Variants in ITM2C observed in about 807,000 individuals in gnomAD.
ITM2C encodes the protein BRICHOS domain containing 2C.
A neutral mutation model predicts 30.0 loss-of-function variants in ITM2C; 20 were observed. The ratio of observed to expected loss-of-function variants is 0.67; its 90% CI spans 0.47 to 0.97. ITM2C has a LOEUF of 0.97. ITM2C is among the 50% of genes least tolerant of loss of function. The probability of loss-of-function intolerance (pLI) is 0.00; values close to 1 mark genes in which losing one functional copy is unlikely to be tolerated. For missense variants in ITM2C, 366 were observed against 371.9 expected (o/e 0.98, Z 0.13); for synonymous variants, 167 against 156.4 (o/e 1.07, Z -0.51).
In ITM2C at chr2:230,865,441, A is replaced by C; in HGVS notation, c.120+296A>C. On this transcript the variant is annotated intron_variant, in intron 1 of 5. Transcript: ENST00000326427. The surrounding 1 kb of genome is among the most constrained non-coding windows in gnomAD (Gnocchi z 6.8). ...AGTGGGGGCCCCCTCGCCGCCTTAT[A>C]GGGGGAGGGGGCTGGTCCGAAGAAG... 7.0e-6 allele frequency: 2 copies of C among 284,346 alleles called. No homozygotes were observed. Among genetic ancestry groups the C allele is most frequent in the Non-Finnish European group, 6.5e-6 (1 of 153,602 alleles). The allele number at this position is 284,346 out of a possible 1,614,324, so 17.6% of individuals were successfully genotyped here.
rs560957044 is a variant in ITM2C, at chr2:230,877,174, C to T, written c.561+207C>T. ...ATCTCCAGAGTCAATGCCCCGAGAC[C>T]GGCTTCCTTAGTGTTCAAGGTTGTA... On this transcript the variant is annotated intron_variant, in intron 4 of 5. Transcript: ENST00000326427. The surrounding 1 kb of genome is among the most constrained non-coding windows in gnomAD (Gnocchi z 4.8). 5.9e-5 allele frequency among the ~76,000 whole-genome samples: 9 copies of T among 152,318 alleles called. No homozygotes were observed. The South Asian group carries it at 6.2e-4, about 11-fold the overall frequency.
At chr2:230,875,523 TG>T in intron 2 of ITM2C, 96 bp from the exon 3 acceptor site, 2 of 1,063,198 alleles carry the variant, frequency 1.9e-6, no homozygotes, top group African/African-American at 1.6e-5. Context: ...CGCAGGCTTT[TG>T]GGGCATGTAG....
At chr2:230,871,828 A>G (rs533084316) in intron 1 of ITM2C, among the ~76,000 whole-genome samples, 93 of 152,236 alleles carry the variant, frequency 6.1e-4, no homozygotes, top group African/African-American at 2.0e-3. Flanking sequence ...TCCTTTTCCT[A>G]AGCAGGGCGG....
At position 230,874,091 on chromosome 2, in the gene ITM2C, TGGGA is replaced by T. The variant is rs577007193; in HGVS notation, c.261+544_261+547del. 1.0e-3 allele frequency among the ~76,000 whole-genome samples: 154 copies of T among 152,262 alleles called. No individual in the cohort carries two copies. In the Middle Eastern group the frequency reaches 0.01, roughly 10 times the overall value. ...GCACAAAGCTGGGCCAACCCAGACC[TGGGA>T]GGGAGGGAGTGTCGCTGTGTGCTTG... is the stretch of plus-strand genomic sequence containing the variant. On this transcript the variant is annotated intron_variant, in intron 2 of 5. Coordinates refer to ENST00000326427, the MANE Select transcript of ITM2C (RefSeq NM_030926.6).
rs779813607 is a variant in ITM2C, at chr2:230,877,573, A to G, written c.712+23A>G. 1.1e-5 allele frequency: 17 copies of G among 1,612,094 alleles called. No homozygotes were observed. In the South Asian group the frequency reaches 1.6e-4, roughly 16 times the overall value. ...GGCGTGAGTGGCTGGCTTCACCCAC[A>G]GTAGCCCCTGTCCCGTGCCCCAGAC... On this transcript the variant is annotated intron_variant, in intron 5 of 5. Transcript: ENST00000326427. This position sits in a 1 kb window ranked among gnomAD's most constrained non-coding sequence, Gnocchi z 4.8.
In ITM2C at chr2:230,873,413, A is replaced by G; in HGVS notation, c.121-4A>G. 1 of 1,566,358 alleles carries G rather than the reference A, an allele frequency of 6.4e-7. No individual in the cohort carries two copies. The highest frequency in any genetic ancestry group is 8.6e-7 in the Non-Finnish European group (1 of 1,156,596). On this transcript the variant is annotated splice_polypyrimidine_tract_variant and splice_region_variant and intron_variant, in intron 1 of 5. Transcript: ENST00000326427. ...CCCCACTGACCCAGCATTGCTATCC[A>G]CAGGAGGAGCAGCCCCCACAACATC...
intron 1 of ITM2C, among the ~76,000 whole-genome samples, chr2:230,866,801 T>G (rs1235184979): frequency 1.3e-5 from 2 of 152,146 alleles, no homozygotes; most frequent in East Asian, 3.9e-4. Flanking sequence ...CACCTCTTCC[T>G]GGAGATATTT....
rs1385770722 is a variant in ITM2C at position 230,877,210 on chromosome 2, G to A, written c.562-190G>A. ...GTGTTCAAGGTTGTACCCTGGGTACGGACTCGTGCGCATGCCATTGCTCCT... is the reference window on the plus strand; with the variant it reads ...GTGTTCAAGGTTGTACCCTGGGTACAGACTCGTGCGCATGCCATTGCTCCT... On this transcript the variant is annotated intron_variant, in intron 4 of 5. Coordinates refer to ENST00000326427, the MANE Select transcript of ITM2C (RefSeq NM_030926.6). This position sits in a 1 kb window ranked among gnomAD's most constrained non-coding sequence, Gnocchi z 4.8. Among the ~76,000 whole-genome samples, 1 of 152,170 alleles carries A rather than the reference G, an allele frequency of 6.6e-6. No individual in the cohort carries two copies. Among genetic ancestry groups the A allele is most frequent in the Admixed American group, 6.5e-5 (1 of 15,282 alleles).
chr2:230,868,222 G>A (rs1697077660), intron 1 of ITM2C, among the ~76,000 whole-genome samples: 1 of 152,152 alleles, frequency 6.6e-6, no homozygotes, highest in African/African-American at 2.4e-5. Context: ...GGGAGGGATG[G>A]GGGTGGGGGC....
intron 1 of ITM2C, among the ~76,000 whole-genome samples, chr2:230,872,648 G>A (rs1045641386): frequency 6.6e-6 from 1 of 152,122 alleles, no homozygotes; most frequent in Non-Finnish European, 1.5e-5. Flanking sequence ...GGAAGCTTCC[G>A]GGCTTCATCC....
chr2:230,865,210 G>C lies in ITM2C; in HGVS notation c.120+65G>C, dbSNP rs1696996463. On this transcript the variant is annotated intron_variant, in intron 1 of 5. Coordinates refer to ENST00000326427, the MANE Select transcript of ITM2C (RefSeq NM_030926.6). The surrounding 1 kb of genome is among the most constrained non-coding windows in gnomAD (Gnocchi z 6.8). ...CAGGCTCACGACCCAGGCGCGCCCC[G>C]TCGGCCCTGGGGACTGCCCGAGGCG... The C allele has an allele frequency of 1.5e-6, 2 of 1,325,062 alleles. No homozygotes were observed. The highest frequency in any genetic ancestry group is 3.0e-5 in the African/African-American group (2 of 65,592). The allele number at this position is 1,325,062 out of a possible 1,614,324, so 82.1% of individuals were successfully genotyped here.
At chr2:230,864,396 G>A (rs1696970692), upstream of ITM2C, among the ~76,000 whole-genome samples, 2 of 152,190 alleles carry the variant, frequency 1.3e-5, no homozygotes, top group Admixed American at 1.3e-4. The surrounding 1 kb of genome is among the most constrained non-coding windows in gnomAD (Gnocchi z 4.3). Flanking sequence ...TGAAGGAGGC[G>A]TGGATGGCTT....
rs765605027 is a variant in ITM2C at position 230,877,508 on chromosome 2, G to A, written c.670G>A (p.Gly224Arg). The change falls in exon 5 of 6, where the codon GGG becomes AGG. Residue 224 changes from glycine (G) to arginine (R), a missense_variant. Physicochemically the swap from Gly to Arg is moderately radical, Grantham distance 125 (BLOSUM62 -2). Transcript: ENST00000326427. The surrounding 1 kb of genome is among the most constrained non-coding windows in gnomAD (Gnocchi z 4.8). ...LGSFIYHLCN[G>R]KDTYRLRRRA... ...GTCCTTCATCTACCACCTGTGCAAC[G>A]GGAAAGACACCTACCGGCTCCGGCG... 8.1e-6 allele frequency: 13 copies of A among 1,613,870 alleles called. No individual in the cohort carries two copies. Among genetic ancestry groups the A allele is most frequent in the African/African-American group, 4.0e-5 (3 of 74,922 alleles).
chr2:230,873,440 A>G lies in ITM2C; in HGVS notation c.144A>G (p.Arg48=). The G allele has an allele frequency of 6.2e-7, 1 of 1,602,816 alleles. No homozygotes were observed. The highest frequency in any genetic ancestry group is 8.5e-7 in the Non-Finnish European group (1 of 1,174,884). ...PAREEQPPQH[R]SKRGGSVGGV... ...AGGAGGAGCAGCCCCCACAACATCG[A>G]TCCAAGAGGGGGGGCTCAGTGGGCG... The change falls in exon 2 of 6, where the codon CGA becomes CGG. Residue 48 remains arginine, a synonymous_variant. Transcript: ENST00000326427.
intron 1 of ITM2C, among the ~76,000 whole-genome samples, chr2:230,872,039 C>A (rs1333067845): frequency 6.6e-6 from 1 of 152,238 alleles, no homozygotes; most frequent in Non-Finnish European, 1.5e-5. Context: ...TGTTCCCATC[C>A]CAGAACGCCT....
In ITM2C at chr2:230,875,740, C is replaced by G. The variant is rs542242007; in HGVS notation, c.382C>G (p.Arg128Gly). Residue 128 changes from arginine to glycine, a missense_variant, in exon 3 of 6, where the codon CGC becomes GGC. By Grantham distance (125) the Arg-to-Gly change is moderately radical (BLOSUM62 -2). Coordinates refer to ENST00000326427, the MANE Select transcript of ITM2C (RefSeq NM_030926.6). ...AATCTACCTCGACGAGAACTACGAG[C>G]GCATCAACGTGCCTGTGCCCCAGTT... ...VKIYLDENYE[R>G]INVPVPQFGG... 1 of 1,613,096 alleles carries G rather than the reference C, an allele frequency of 6.2e-7. No individual in the cohort carries two copies. The highest frequency in any genetic ancestry group is 8.5e-7 in the Non-Finnish European group (1 of 1,179,880).
intron 3 of ITM2C, among the ~76,000 whole-genome samples, 186 bp downstream of exon 3, chr2:230,875,994 C>T (rs999916335): frequency 3.3e-5 from 5 of 152,292 alleles, no homozygotes; most frequent in South Asian, 2.1e-4. Flanking sequence ...ATGAAGCAGC[C>T]GAGGCTGATT....
chr2:230,864,929 C>G, upstream of ITM2C: 13 of 1,265,878 alleles, frequency 1.0e-5, no homozygotes, highest in Non-Finnish European at 1.3e-5. The surrounding 1 kb of genome is among the most constrained non-coding windows in gnomAD (Gnocchi z 4.3). Context: ...CGAGCGGGAT[C>G]CAAACTTCCG....
intron 1 of ITM2C, among the ~76,000 whole-genome samples, chr2:230,871,233 C>T (rs958293886): frequency 6.6e-6 from 1 of 152,236 alleles, no homozygotes; most frequent in Non-Finnish European, 1.5e-5. Context: ...TGTTGTGTCC[C>T]GAGGGCAGAT....
Sources: gnomAD v4.1 joint callset for allele counts (sites outside exome capture counted in the v4.1 genomes callset) on GRCh38, gnomAD v4.1.1 for gene constraint, Gnocchi (gnomAD v3.1) non-coding constraint, MANE v1.5 for transcripts, NCBI Gene and HGNC (gene_info 2026-07-23, HGNC 2026-07-21) for gene names.